Variants in HIF1A observed in about 807,000 individuals in gnomAD.
The protein encoded by HIF1A is hypoxia-inducible factor 1-alpha.
In HIF1A, 24 loss-of-function variants were observed where a neutral mutation model predicts 92.7. The ratio of observed to expected loss-of-function variants is 0.26; its 90% CI spans 0.19 to 0.36. HIF1A has a LOEUF of 0.36. Among genes scored for constraint, HIF1A ranks in the 10% least tolerant of loss-of-function variants. The probability of loss-of-function intolerance (pLI) is 1.00; values close to 1 mark genes in which losing one functional copy is unlikely to be tolerated. For missense variants in HIF1A, 799 were observed against 998.5 expected (o/e 0.80, Z 2.69); for synonymous variants, 319 against 338.7 (o/e 0.94, Z 0.64).
At chr14:61,709,382 AAATT>A (rs1266297071) in intron 1 of HIF1A, among the ~76,000 whole-genome samples, 1 of 152,246 alleles carries the variant, frequency 6.6e-6, no homozygotes, top group Non-Finnish European at 1.5e-5. Context: ...GCTACTTAAT[AAATT>A]AACATGTAAA....
chr14:61,700,855 G>T (rs1248410661), intron 1 of HIF1A, among the ~76,000 whole-genome samples: 1 of 152,112 alleles, frequency 6.6e-6, no homozygotes, highest in African/African-American at 2.4e-5. Flanking sequence ...TGGCAAAGTG[G>T]TAGCCATCTA....
intron 6 of HIF1A, among the ~76,000 whole-genome samples, chr14:61,731,345 T>TG (rs2044573205): frequency 6.6e-6 from 1 of 152,218 alleles, no homozygotes; most frequent in Admixed American, 6.5e-5. Context: ...CTCTTCCTCA[T>TG]GTCATGGTTG....
In HIF1A at chr14:61,727,662, T is replaced by G. The variant is rs2044522812; in HGVS notation, c.773+7T>G. 3 of 1,587,034 alleles carry G rather than the reference T, an allele frequency of 1.9e-6. No individual in the cohort carries two copies. Among genetic ancestry groups the G allele is most frequent in the Non-Finnish European group, 2.6e-6 (3 of 1,155,836 alleles). On this transcript the variant is annotated splice_region_variant and intron_variant, in intron 6 of 14. Transcript: ENST00000337138. Reference sequence around the variant, plus strand: ...TTTCTTATTGTGATGAAAGGTAAATTAGATCTAAAATGTGAATTTGAAATT... The same window carrying G: ...TTTCTTATTGTGATGAAAGGTAAATGAGATCTAAAATGTGAATTTGAAATT...
rs76049542 is a variant in HIF1A, at chr14:61,714,203, T to C, written c.36-6179T>C. Among the ~76,000 whole-genome samples, 830 of 152,292 alleles carry C rather than the reference T, an allele frequency of 5.5e-3. 10 individuals carry two copies. The highest frequency in any genetic ancestry group is 0.019 in the African/African-American group (785 of 41,560). On this transcript the variant is annotated intron_variant, in intron 1 of 14. Transcript: ENST00000337138. Reference sequence around the variant, plus strand: ...GAATGTTTGCTGGAACGTTCAAAAATCTAAGCTTCCCAAATCTGTGAAAAC... The same window carrying C: ...GAATGTTTGCTGGAACGTTCAAAAACCTAAGCTTCCCAAATCTGTGAAAAC...
At chr14:61,702,330 A>C (rs191113350) in intron 1 of HIF1A, among the ~76,000 whole-genome samples, 3 of 148,522 alleles carry the variant, frequency 2.0e-5, no homozygotes, top group Non-Finnish European at 4.5e-5. Flanking sequence ...AATCCCAGCT[A>C]CTCGGAGGCT....
At chr14:61,710,198 C>G (rs906737833) in intron 1 of HIF1A, among the ~76,000 whole-genome samples, 1 of 152,074 alleles carries the variant, frequency 6.6e-6, no homozygotes, top group Non-Finnish European at 1.5e-5. Flanking sequence ...TTTTTGTAGA[C>G]TTTGCTTTTA....
intron 1 of HIF1A, among the ~76,000 whole-genome samples, chr14:61,708,050 A>G (rs2044261816): frequency 6.6e-6 from 1 of 152,122 alleles, no homozygotes; most frequent in Non-Finnish European, 1.5e-5. Flanking sequence ...CATTTCTCTG[A>G]TGGCCAGTGA....
rs1336697613 is a variant in HIF1A at position 61,707,455 on chromosome 14, G to A, written c.35+11616G>A. Among the ~76,000 whole-genome samples the A allele has an allele frequency of 2.9e-4, 44 of 149,886 alleles. No individual in the cohort carries two copies. In the East Asian group the frequency reaches 3.4e-3, roughly 12 times the overall value. ...ATATCTCCTAATGCTATCCCTCCCC[G>A]CTCCCCCCACCCCACAACAGGCCCC... On this transcript the variant is annotated intron_variant, in intron 1 of 14. Coordinates refer to ENST00000337138, the MANE Select transcript of HIF1A (RefSeq NM_001530.4).
In HIF1A at chr14:61,740,887, A is replaced by C. The variant is rs779702949; in HGVS notation, c.1792A>C (p.Thr598Pro). Residue 598 changes from threonine to proline, a missense_variant, in exon 12 of 15, where the codon ACA (threonine) becomes CCA (proline). Thr to Pro is a conservative substitution (Grantham distance 38). Coordinates refer to ENST00000337138, the MANE Select transcript of HIF1A (RefSeq NM_001530.4). ...CCCTGAAAGCGCAAGTCCTCAAAGCACAGTTACAGTATTCCAGCAGACTCA... is the reference window on the plus strand; with the variant it reads ...CCCTGAAAGCGCAAGTCCTCAAAGCCCAGTTACAGTATTCCAGCAGACTCA... The part of the protein sequence containing the change: ...ASPESASPQS[T>P]VTVFQQTQIQ... 4 of 1,614,218 alleles carry C rather than the reference A, an allele frequency of 2.5e-6. No homozygotes were observed. Among genetic ancestry groups the C allele is most frequent in the Non-Finnish European group, 3.4e-6 (4 of 1,180,038 alleles).
chr14:61,718,055 A>G (rs1772355622), intron 1 of HIF1A, among the ~76,000 whole-genome samples: 1 of 151,926 alleles, frequency 6.6e-6, no homozygotes, highest in African/African-American at 2.4e-5. Flanking sequence ...ACATATTATA[A>G]GGTTTTCAAT....
intron 1 of HIF1A, among the ~76,000 whole-genome samples, chr14:61,718,303 A>G (rs1488528461): frequency 1.3e-5 from 2 of 152,170 alleles, no homozygotes; most frequent in Non-Finnish European, 2.9e-5. Flanking sequence ...CATTTGAACT[A>G]ATATTCAGGT....
chr14:61,743,038 C>T (rs1248403752), intron 12 of HIF1A, among the ~76,000 whole-genome samples: 1 of 152,116 alleles, frequency 6.6e-6, no homozygotes, highest in African/African-American at 2.4e-5. Context: ...CTTGTCAAAG[C>T]CAAAGTGTAA....
At chr14:61,728,566 CAT>C (rs756633065) in intron 6 of HIF1A, among the ~76,000 whole-genome samples, 1 of 152,242 alleles carries the variant, frequency 6.6e-6, no homozygotes, top group African/African-American at 2.4e-5. Flanking sequence ...ACCATACACA[CAT>C]GACTCCAGCA....
rs369845805 is a variant in HIF1A, at chr14:61,695,772, C to T, written c.-33C>T. 3 of 1,583,888 alleles carry T rather than the reference C, an allele frequency of 1.9e-6. No homozygotes were observed. The highest frequency in any genetic ancestry group is 2.6e-6 in the Non-Finnish European group (3 of 1,166,916). On this transcript the variant is annotated 5_prime_UTR_variant, in exon 1 of 15. Transcript: ENST00000337138. ...AGGCCGGAGCGAGCCTGGGGGCCGCCCGCCGTGAAGACATCGCGGGGACCG... is the reference window on the plus strand; with the variant it reads ...AGGCCGGAGCGAGCCTGGGGGCCGCTCGCCGTGAAGACATCGCGGGGACCG...
chr14:61,742,053 A>G (rs2044718217), intron 12 of HIF1A, among the ~76,000 whole-genome samples: 2 of 152,216 alleles, frequency 1.3e-5, no homozygotes, highest in African/African-American at 4.8e-5. Flanking sequence ...CATTAGCTAT[A>G]TATATATTGC....
chr14:61,723,983 G>A (rs2044466666), intron 4 of HIF1A, among the ~76,000 whole-genome samples: 1 of 151,850 alleles, frequency 6.6e-6, no homozygotes, highest in South Asian at 2.1e-4. Flanking sequence ...GAGAGCCAGT[G>A]GTGTGTTTAT....
At position 61,740,974 on chromosome 14, in the gene HIF1A, G is replaced by C; in HGVS notation, c.1879G>C (p.Val627Leu). Residue 627 changes from valine (V) to leucine (L), a missense_variant, in exon 12 of 15, where the codon GTG becomes CTG. Around this residue, in one of 2 missense-constraint regions of HIF1A, gnomAD observed 283 missense variants for 277.5 expected, o/e 1.02. Transcript: ENST00000337138. ...TTATTDELKT[V>L]TKDRMEDIKI... ...TGCCACCACTGATGAATTAAAAACA[G>C]TGACAAAAGACCGTATGGAAGACAT... 3 of 1,614,130 alleles carry C rather than the reference G, an allele frequency of 1.9e-6. No individual in the cohort carries two copies. The highest frequency in any genetic ancestry group is 8.5e-7 in the Non-Finnish European group (1 of 1,179,980).
At chr14:61,732,690 A>T (rs1052484528) in intron 7 of HIF1A, among the ~76,000 whole-genome samples, 166 bp downstream of exon 7, 1 of 152,230 alleles carries the variant, frequency 6.6e-6, no homozygotes, top group Non-Finnish European at 1.5e-5. Context: ...ATGTGTTGCA[A>T]CAAATATCAG....
At position 61,746,935 on chromosome 14, in the gene HIF1A, T is replaced by G; in HGVS notation, c.2331T>G (p.Asp777Glu). ...TTAGGTATCTCTTTTGTTTTTCAGA[T>G]TTAGCATGTAGACTGCTGGGGCAAT... Reference protein sequence around the residue: ...EQKTIILIPSDLACRLLGQSM... With the variant: ...EQKTIILIPSELACRLLGQSM... Residue 777 changes from aspartate (D) to glutamate (E), a missense_variant and splice_region_variant, in exon 15 of 15, where the codon GAT (aspartate) becomes GAG (glutamate). Coordinates refer to ENST00000337138, the MANE Select transcript of HIF1A (RefSeq NM_001530.4). The G allele has an allele frequency of 5.0e-6, 8 of 1,598,382 alleles. No homozygotes were observed. Among genetic ancestry groups the G allele is most frequent in the Non-Finnish European group, 6.8e-6 (8 of 1,175,164 alleles).
Sources: allele counts gnomAD v4.1 joint callset (sites outside exome capture counted in the v4.1 genomes callset), GRCh38; gene constraint gnomAD v4.1.1; regional missense constraint gnomAD v4.1.1; transcripts MANE v1.5; gene names NCBI Gene and HGNC (gene_info 2026-07-23, HGNC 2026-07-21).